The following MAGED1 variants were observed in gnomAD, a reference collection of about 807,000 sequenced individuals.
MAGED1 encodes melanoma-associated antigen D1.
In MAGED1, 3 loss-of-function variants were observed where a neutral mutation model predicts 54.1. The ratio of observed to expected loss-of-function variants is 0.06; its 90% confidence interval spans 0.03 to 0.14. The LOEUF (loss-of-function observed/expected upper bound fraction) is 0.14, where lower values mean the gene tolerates loss of function less well. MAGED1 is among the 10% of genes least tolerant of loss of function. MAGED1 has a pLI of 1.00. For synonymous variants in MAGED1, 217 were observed against 227.3 expected (o/e 0.95, Z 0.41); for missense variants, 485 against 623.4 (o/e 0.78, Z 2.36).
At chrX:51,853,348 C>G in intron 1 of MAGED1, among the ~76,000 whole-genome samples, 1 of 111,933 alleles carries the variant, frequency 8.9e-6, no homozygotes, top group Non-Finnish European at 1.9e-5. Flanking sequence ...TCAGCTGATC[C>G]TGCTGATTTG....
chrX:51,820,489 A>G (rs782416451), intron 1 of MAGED1, among the ~76,000 whole-genome samples: 3 of 111,997 alleles, frequency 2.7e-5, no homozygotes, highest in African/African-American at 9.7e-5. Flanking sequence ...TTGTGGTCCC[A>G]CACATTAAGG....
intron 1 of MAGED1, among the ~76,000 whole-genome samples, chrX:51,810,633 C>A (rs782158288): frequency 1.2e-3 from 131 of 111,673 alleles, no homozygotes; most frequent in African/African-American, 4.2e-3. Flanking sequence ...GTGAACAGTA[C>A]TGTGTTCATA....
intron 1 of MAGED1, among the ~76,000 whole-genome samples, chrX:51,835,885 A>G (rs1256660475): frequency 6.3e-5 from 7 of 111,535 alleles, no homozygotes; most frequent in African/African-American, 2.3e-4. Flanking sequence ...CCATTGTTCA[A>G]CAGTCCACTG....
intron 1 of MAGED1, among the ~76,000 whole-genome samples, chrX:51,838,687 T>C (rs12863962): frequency 0.088 from 9,764 of 111,426 alleles, 471 homozygotes; most frequent in Middle Eastern, 0.14. Flanking sequence ...TTAGGACCGA[T>C]GAGAAGAATG....
In MAGED1 at chrX:51,809,083, A is replaced by G. The variant is rs187815080; in HGVS notation, c.-37+5966A>G. Among the ~76,000 whole-genome samples the G allele has an allele frequency of 4.5e-5, 5 of 111,740 alleles. No homozygotes were observed. In the Admixed American group the frequency reaches 4.7e-4, roughly 11 times the overall value. ...GGATGTTTTTCTCTTAAGCCTTATA[A>G]AGCCCTTGCATAGTCCCCTTTTTAT... On this transcript the variant is annotated intron_variant, in intron 1 of 12. Coordinates refer to the MAGED1 transcript ENST00000375772.
In MAGED1 at chrX:51,817,956, C is replaced by T. The variant is rs782097274; in HGVS notation, c.-37+14839C>T. Among the ~76,000 whole-genome samples, 11 of 112,184 alleles carry T rather than the reference C, an allele frequency of 9.8e-5. No homozygotes were observed. In the South Asian group the frequency reaches 3.0e-3, roughly 31 times the overall value. ...TATAAATTTTATTGAAGCCCATTTA[C>T]GCTATTTCTTACAAATCAGTTCATC... On this transcript the variant is annotated intron_variant, in intron 1 of 12. Transcript: ENST00000375772.
chrX:51,887,513 A>T (rs192878376), intron 1 of MAGED1, among the ~76,000 whole-genome samples: 129 of 111,743 alleles, frequency 1.2e-3, no homozygotes, highest in Admixed American at 7.1e-3. Context: ...TAGAACAGAG[A>T]ACTCAGAAAT....
intron 1 of MAGED1, among the ~76,000 whole-genome samples, chrX:51,823,172 C>A (rs1035991382): frequency 9.0e-6 from 1 of 111,701 alleles, no homozygotes; most frequent in Non-Finnish European, 1.9e-5. Flanking sequence ...CTATTAGGTG[C>A]AGTCTTCTTT....
Position 51,896,963 on chromosome X carries a change from A to G in MAGED1, c.1308A>G (p.Pro436=). 2 of 1,210,312 alleles carry G rather than the reference A, an allele frequency of 1.7e-6. No homozygotes were observed. Among genetic ancestry groups the G allele is most frequent in the Non-Finnish European group, 2.2e-6 (2 of 894,920 alleles). Residue 436 remains proline, a synonymous_variant, in exon 4 of 13, where the codon CCA becomes CCG. Coordinates refer to ENST00000326587, the MANE Select transcript of MAGED1 (RefSeq NM_006986.4). ...GGATCCCCGCTGATTGGCCAATTCC[A>G]CCTGACTGGCAGAACCTGCGCCCCT... ...PDWIPADWPI[P]PDWQNLRPSP...
At chrX:51,879,145 T>C (rs1927971203) in intron 1 of MAGED1, among the ~76,000 whole-genome samples, 2 of 112,004 alleles carry the variant, frequency 1.8e-5, no homozygotes, top group African/African-American at 6.5e-5. Flanking sequence ...AATGGAAAGA[T>C]ACATAAATTT....
chrX:51,854,962 C>T (rs1430149730), intron 1 of MAGED1, among the ~76,000 whole-genome samples: 1 of 111,666 alleles, frequency 9.0e-6, no homozygotes, highest in Non-Finnish European at 1.9e-5. Flanking sequence ...AGATAATCTT[C>T]CCATTTCCCT....
chrX:51,853,784 C>T (rs781954667), intron 1 of MAGED1, among the ~76,000 whole-genome samples: 2 of 112,234 alleles, frequency 1.8e-5, no homozygotes, highest in Non-Finnish European at 3.8e-5. Flanking sequence ...AATAATGTGG[C>T]AGGCAATCAT....
At chrX:51,901,998 G>T (rs1377592213) in intron 12 of MAGED1, 60 bp downstream of exon 12, 42 of 1,087,230 alleles carry the variant, frequency 3.9e-5, no homozygotes, top group Non-Finnish European at 5.0e-5. Context: ...GGTCCATGGG[G>T]TTGTATTTAT....
intron 1 of MAGED1, among the ~76,000 whole-genome samples, chrX:51,842,186 A>G (rs965337411): frequency 8.9e-6 from 1 of 112,135 alleles, no homozygotes; most frequent in African/African-American, 3.2e-5. Flanking sequence ...AAAAACTTAC[A>G]AGCCTGTTAG....
At chrX:51,872,633 G>A (rs1476769800) in intron 1 of MAGED1, among the ~76,000 whole-genome samples, 3 of 111,512 alleles carry the variant, frequency 2.7e-5, no homozygotes, top group East Asian at 2.8e-4. Flanking sequence ...TTAATGTTTT[G>A]GTTTGCTTTG....
At chrX:51,881,369 C>T (rs1364166181) in intron 1 of MAGED1, among the ~76,000 whole-genome samples, 1 of 110,947 alleles carries the variant, frequency 9.0e-6, no homozygotes, top group Non-Finnish European at 1.9e-5. Flanking sequence ...TCATGCTCTT[C>T]CACCTTACAT....
At chrX:51,810,522 C>T (rs1004161220) in intron 1 of MAGED1, among the ~76,000 whole-genome samples, 4 of 111,795 alleles carry the variant, frequency 3.6e-5, no homozygotes, top group Non-Finnish European at 7.5e-5. Context: ...TGGTCTTATG[C>T]TGGGCACAGG....
chrX:51,803,971 A>G (rs1463649220), intron 1 of MAGED1, among the ~76,000 whole-genome samples: 4 of 110,905 alleles, frequency 3.6e-5, no homozygotes, highest in African/African-American at 1.3e-4. Context: ...TCCAGTCACA[A>G]ATTTATTACT....
rs1272726902 is a variant in MAGED1 at position 51,819,845 on chromosome X, T to C, written c.-37+16728T>C. 3.6e-5 allele frequency among the ~76,000 whole-genome samples: 4 copies of C among 111,800 alleles called. No individual in the cohort carries two copies. The South Asian group carries it at 1.5e-3, about 42-fold the overall frequency. On this transcript the variant is annotated intron_variant, in intron 1 of 12. Coordinates refer to the MAGED1 transcript ENST00000375772. Reference sequence around the variant, plus strand: ...CTAATTTTTCTTTTATAGCTTGTGTTTTTGTGTCTTATATAAAAATTGTTA... The same window carrying C: ...CTAATTTTTCTTTTATAGCTTGTGTCTTTGTGTCTTATATAAAAATTGTTA...
Sources: allele counts gnomAD v4.1 joint callset (sites outside exome capture counted in the v4.1 genomes callset), GRCh38; gene constraint gnomAD v4.1.1; transcripts MANE v1.5; gene names NCBI Gene and HGNC (gene_info 2026-07-23, HGNC 2026-07-21).